PCDHA9: variants seen among roughly 807,000 people sequenced by gnomAD.
The protein encoded by PCDHA9 is protocadherin alpha 9.
A neutral mutation model predicts 62.0 loss-of-function variants in PCDHA9; 62 were observed. The observed-to-expected ratio is 1.00, with a 90% CI of 0.81 to 1.23. The LOEUF is 1.23. Ranked by LOEUF, PCDHA9 falls within the 50% of genes most tolerant of loss-of-function variation. PCDHA9 has a pLI of 0.00. For synonymous variants in PCDHA9, 557 were observed against 567.6 expected (o/e 0.98, Z 0.27); for missense variants, 1,205 against 1,249.8 (o/e 0.96, Z 0.54).
chr5:140,953,093 A>T (rs2153698233), intron 1 of PCDHA9, among the ~76,000 whole-genome samples: 1 of 152,346 alleles, frequency 6.6e-6, no homozygotes, highest in East Asian at 1.9e-4. Flanking sequence ...TTACAATTTG[A>T]CATGAGATTT....
chr5:141,002,399 T>C (rs1352771753), intron 3 of PCDHA9, among the ~76,000 whole-genome samples: 1 of 152,236 alleles, frequency 6.6e-6, no homozygotes, highest in African/African-American at 2.4e-5. Context: ...GGCATCTCTG[T>C]GCCTCCCAAA....
At chr5:140,941,255 C>CTCTT (rs1554214207) in intron 1 of PCDHA9, among the ~76,000 whole-genome samples, 2 of 44,508 alleles carry the variant, frequency 4.5e-5, no homozygotes, top group African/African-American at 1.4e-4. Context: ...TTCTTTCTTT[C>CTCTT]TCTTTCTTTC....
At chr5:140,888,843 G>T (rs2153425504) in intron 1 of PCDHA9, among the ~76,000 whole-genome samples, 1 of 152,082 alleles carries the variant, frequency 6.6e-6, no homozygotes, top group East Asian at 1.9e-4. Context: ...ACTGCAGCCT[G>T]GTGACAGAGT....
At chr5:140,864,170 G>A (rs1301709115) in intron 1 of PCDHA9, 1 of 152,166 alleles carries the variant, frequency 6.6e-6, no homozygotes, top group Non-Finnish European at 1.5e-5. Context: ...TTACCGGAAG[G>A]ATCATGATGA....
chr5:140,908,142 A>T (rs1371459142), intron 1 of PCDHA9, among the ~76,000 whole-genome samples: 1 of 152,158 alleles, frequency 6.6e-6, no homozygotes, highest in East Asian at 1.9e-4. Context: ...TCCTTCAGGT[A>T]TGTCCTAGGA....
At chr5:140,953,228 G>C (rs2094861370) in intron 1 of PCDHA9, among the ~76,000 whole-genome samples, 2 of 152,124 alleles carry the variant, frequency 1.3e-5, no homozygotes, top group African/African-American at 4.8e-5. Context: ...CTTCTGCTTG[G>C]TAGCAGTTCA....
At position 140,848,822 on chromosome 5, in the gene PCDHA9, CG is replaced by C. The variant is rs2150421614; in HGVS notation, c.328del (p.Val110Ter). ...AGTGCAGCATCCACCTGGAGGTGAT[CG>C]TAGACAGGCCGCTGCAGGTTTTCCA... is the stretch of plus-strand genomic sequence containing the variant. Reference protein sequence around the residue: ...AECSIHLEVIVDRPLQVFHVD... With the variant: ...AECSIHLEVIXDRPLQVFHVD... On this transcript the variant is annotated frameshift_variant, in exon 1 of 4. Coordinates refer to ENST00000532602, the MANE Select transcript of PCDHA9 (RefSeq NM_031857.2). LOFTEE classifies it high-confidence loss of function. 4.4e-6 allele frequency: 7 copies of C among 1,590,462 alleles called. 1 individual carries two copies. Among genetic ancestry groups the C allele is most frequent in the Admixed American group, 3.4e-5 (2 of 58,802 alleles).
chr5:140,870,391 G>A lies in PCDHA9; in HGVS notation c.2394+19502G>A. 1.9e-6 allele frequency: 3 copies of A among 1,614,230 alleles called. No homozygotes were observed. Among genetic ancestry groups the A allele is most frequent in the East Asian group, 2.2e-5 (1 of 44,872 alleles). The stretch of plus-strand genomic sequence containing the variant: ...ACTGGTGGTGACTGCGCGGGATGGG[G>A]GTTCGCCTTCTCTGTGGGCCACGGC... On this transcript the variant is annotated intron_variant, in intron 1 of 3. Transcript: ENST00000532602.
At chr5:141,006,996 G>T (rs1206587874) in intron 3 of PCDHA9, among the ~76,000 whole-genome samples, 2 of 152,136 alleles carry the variant, frequency 1.3e-5, no homozygotes, top group African/African-American at 4.8e-5. Flanking sequence ...TAAAATATAA[G>T]TCTGCATCTC....
At chr5:140,862,662 C>T in intron 1 of PCDHA9, 1 of 546,862 alleles carries the variant, frequency 1.8e-6, no homozygotes, top group Non-Finnish European at 3.7e-6. Context: ...GGGACCGGGA[C>T]GCGCAGGAGA....
intron 3 of PCDHA9, among the ~76,000 whole-genome samples, chr5:141,002,937 C>T (rs2098103358): frequency 6.6e-6 from 1 of 152,232 alleles, no homozygotes; most frequent in Non-Finnish European, 1.5e-5. Context: ...CCAACACCCT[C>T]CAGCACATGC....
chr5:140,899,123 A>T (rs1190536862), intron 1 of PCDHA9, among the ~76,000 whole-genome samples: 6 of 152,240 alleles, frequency 3.9e-5, no homozygotes, highest in Non-Finnish European at 7.3e-5. Flanking sequence ...ATATACAATC[A>T]TGTCTTCTGC....
At chr5:140,893,881 C>T (rs1385683702) in intron 1 of PCDHA9, among the ~76,000 whole-genome samples, 1 of 152,066 alleles carries the variant, frequency 6.6e-6, no homozygotes, top group Non-Finnish European at 1.5e-5. Flanking sequence ...TCCAAAGTGG[C>T]CAGAAAGTTA....
chr5:140,942,615 A>G (rs1310858123), intron 1 of PCDHA9, among the ~76,000 whole-genome samples: 1 of 101,274 alleles, frequency 9.9e-6, no homozygotes, highest in African/African-American at 4.7e-5. Context: ...ATATTTGCCA[A>G]TTGTAAAAAA....
chr5:140,950,874 G>C (rs1237864508), intron 1 of PCDHA9, among the ~76,000 whole-genome samples: 20 of 151,700 alleles, frequency 1.3e-4, no homozygotes, highest in African/African-American at 4.8e-4. Flanking sequence ...ATTCTATATT[G>C]TTCAATAGGT....
intron 1 of PCDHA9, among the ~76,000 whole-genome samples, chr5:140,895,392 C>T (rs983338513): frequency 6.6e-5 from 10 of 152,148 alleles, no homozygotes; most frequent in African/African-American, 2.4e-4. Context: ...CAATTCTCAA[C>T]ACCATCAAAA....
intron 1 of PCDHA9, chr5:140,863,034 A>T (rs782534693): frequency 1.8e-6 from 1 of 557,814 alleles, no homozygotes; most frequent in Non-Finnish European, 3.5e-6. Flanking sequence ...CAACAGCTGC[A>T]TCTGTCAGCT....
rs2042053771 is a variant in PCDHA9, at chr5:140,851,409, G to T, written c.2394+520G>T. The T allele has an allele frequency of 1.7e-5, 16 of 964,844 alleles. 3 individuals are homozygous for T. Among genetic ancestry groups the T allele is most frequent in the Non-Finnish European group, 1.6e-5 (13 of 797,918 alleles). The allele number at this position is 964,844 out of a possible 1,614,324, so 59.8% of individuals were successfully genotyped here. On this transcript the variant is annotated intron_variant, in intron 1 of 3. Transcript: ENST00000532602. ...CAGTATCTATTATTTTAATAAGAAA[G>T]AAACTTCCCCTAAACTTTAGAAAAC...
At chr5:140,995,214 C>T (rs1193715389) in intron 3 of PCDHA9, among the ~76,000 whole-genome samples, 2 of 152,136 alleles carry the variant, frequency 1.3e-5, no homozygotes, top group Admixed American at 6.6e-5. Flanking sequence ...AGGCACAATA[C>T]TCTTGTGCTT....
Sources: gnomAD v4.1 joint callset for allele counts (sites outside exome capture counted in the v4.1 genomes callset) on GRCh38, gnomAD v4.1.1 for gene constraint, MANE v1.5 for transcripts, NCBI Gene and HGNC (gene_info 2026-07-23, HGNC 2026-07-21) for gene names.